REXO1: variants seen among roughly 807,000 people sequenced by gnomAD.
REXO1 encodes RNA exonuclease 1 homolog.
A neutral mutation model predicts 102.6 loss-of-function variants in REXO1; 42 were observed. That is an observed-to-expected ratio of 0.41 (90% confidence interval 0.32 to 0.53). The LOEUF is 0.53. REXO1 is among the 20% of genes least tolerant of loss of function. REXO1 has a pLI of 0.27. For missense variants in REXO1, 1,819 were observed against 1,732.5 expected, an observed-to-expected ratio of 1.05 and a Z score of -0.89; for synonymous variants, 908 against 779.1, an observed-to-expected ratio of 1.17 and a Z score of -2.76.
rs1333959202 is a variant in REXO1, at chr19:1,821,634, G to A, written c.2279C>T (p.Ser760Phe). 1.1e-5 allele frequency: 18 copies of A among 1,613,586 alleles called. No individual in the cohort carries two copies. The highest frequency in any genetic ancestry group is 1.5e-5 in the Non-Finnish European group (18 of 1,179,868). ...RTLAASGSQS[S>F]NGPEPGGQQL... ...CTGGCCACCTGGCTCAGGGCCGTTG[G>A]AGGACTGGCTGCCGCTGGCCGCAAG... Residue 760 changes from serine to phenylalanine, a missense_variant, in exon 5 of 16, where the codon TCC becomes TTC. Ser to Phe is a radical substitution (Grantham distance 155). Coordinates refer to ENST00000170168, the MANE Select transcript of REXO1 (RefSeq NM_020695.4).
At chr19:1,831,845 C>CAA (rs745676775) in intron 1 of REXO1, among the ~76,000 whole-genome samples, 12 of 51,234 alleles carry the variant, frequency 2.3e-4, no homozygotes, top group African/African-American at 2.8e-4. Context: ...AACTCCATCT[C>CAA]AAAAAAAAAA....
chr19:1,840,661 C>G (rs1043590308), intron 1 of REXO1, among the ~76,000 whole-genome samples: 1 of 151,856 alleles, frequency 6.6e-6, no homozygotes, highest in African/African-American at 2.4e-5. Context: ...CTGAGTGACA[C>G]CCGGGCCCGC....
chr19:1,842,814 A>C (rs1178663536), intron 1 of REXO1, among the ~76,000 whole-genome samples: 2 of 152,234 alleles, frequency 1.3e-5, no homozygotes, highest in Non-Finnish European at 2.9e-5. Context: ...GTATTCTCTG[A>C]TGTTTCTAAA....
Position 1,816,049 on chromosome 19 carries a change from TGGGAGGC to T in REXO1, c.*10_*16del. The T allele has an allele frequency of 6.5e-7, 1 of 1,536,474 alleles. No individual in the cohort carries two copies. The highest frequency in any genetic ancestry group is 8.7e-7 in the Non-Finnish European group (1 of 1,146,120). On this transcript the variant is annotated 3_prime_UTR_variant, in exon 16 of 16. Transcript: ENST00000170168. Reference sequence around the variant, plus strand: ...CCAGCGGGACGGCAGGAGAGGCGGGTGGGAGGCGGGCAGGCGTCATCGCTTGGTCTTG... The same window carrying T: ...CCAGCGGGACGGCAGGAGAGGCGGGTGGGCAGGCGTCATCGCTTGGTCTTG...
chr19:1,816,919 C>T, intron 12 of REXO1, 106 bp from the exon 13 acceptor site: 2 of 874,174 alleles, frequency 2.3e-6, no homozygotes, highest in Non-Finnish European at 3.6e-6. Flanking sequence ...GAGGCAGTGA[C>T]CAGAGACTCT....
chr19:1,843,264 G>A (rs1022501831), intron 1 of REXO1, among the ~76,000 whole-genome samples: 20 of 150,410 alleles, frequency 1.3e-4, no homozygotes, highest in Admixed American at 4.6e-4. Flanking sequence ...CCCCCCGCCC[G>A]GAGGGTCCCA....
rs769075049 is a variant in REXO1 at position 1,817,986 on chromosome 19, G to A, written c.3017-206C>T. On this transcript the variant is annotated intron_variant, in intron 10 of 15. Coordinates refer to ENST00000170168, the MANE Select transcript of REXO1 (RefSeq NM_020695.4). ...CCCAGGCCTGGATCCAGGGAGACCA[G>A]TGCCCTCTGCAGAGGCCTCTTGGCA... Among the ~76,000 whole-genome samples the A allele has an allele frequency of 1.1e-4, 16 of 152,338 alleles. 2 individuals are homozygous for A. The South Asian group carries it at 1.4e-3, about 14-fold the overall frequency.
Position 1,841,896 on chromosome 19 carries a change from A to G in REXO1, c.157+6306T>C, listed in dbSNP as rs1194313886. 2.6e-5 allele frequency among the ~76,000 whole-genome samples: 4 copies of G among 152,280 alleles called. No individual in the cohort carries two copies. In the South Asian group the frequency reaches 8.3e-4, roughly 32 times the overall value. ...TGCCTCTCCCTACAGGCAGAGCGCC[A>G]GCTCAGCCATCCCTCTCGAAAACAC... On this transcript the variant is annotated intron_variant, in intron 1 of 15. Coordinates refer to ENST00000170168, the MANE Select transcript of REXO1 (RefSeq NM_020695.4).
At position 1,818,523 on chromosome 19, in the gene REXO1, T is replaced by C. The variant is rs1042245162; in HGVS notation, c.2975A>G (p.Glu992Gly). 1 of 1,611,580 alleles carries C rather than the reference T, an allele frequency of 6.2e-7. No individual in the cohort carries two copies. The change falls in exon 10 of 16, where the codon GAG (glutamate) becomes GGG (glycine). Residue 992 changes from glutamate to glycine, a missense_variant. Glu to Gly is a moderately conservative substitution (Grantham distance 98, BLOSUM62 -2). Coordinates refer to ENST00000170168, the MANE Select transcript of REXO1 (RefSeq NM_020695.4). ...CCGTCCCCAGTGGTAATAACACTCC[T>C]CGTCCCGGATGCAGCGGCCTGAAGA... The part of the protein sequence containing the change: ...VSSSGRCIRD[E>G]ECYYHWGRLR...
At chr19:1,839,880 G>A (rs947461442) in intron 1 of REXO1, among the ~76,000 whole-genome samples, 1 of 152,254 alleles carries the variant, frequency 6.6e-6, no homozygotes, top group South Asian at 2.1e-4. Context: ...GTGGTGCACG[G>A]GGCGGTGGCC....
chr19:1,836,950 G>A (rs1200655226), intron 1 of REXO1, among the ~76,000 whole-genome samples: 1 of 152,176 alleles, frequency 6.6e-6, no homozygotes, highest in Non-Finnish European at 1.5e-5. Flanking sequence ...CTGGGGCTTA[G>A]CTGGACAAAA....
intron 1 of REXO1, among the ~76,000 whole-genome samples, chr19:1,830,342 TA>T (rs1217041189): frequency 6.6e-6 from 1 of 151,954 alleles, no homozygotes; most frequent in Non-Finnish European, 1.5e-5. Context: ...TCCCATCTCT[TA>T]AAAAAATACT....
chr19:1,828,286 G>GTGGGC lies in REXO1; in HGVS notation c.498_502dup (p.Thr168SerfsTer41). ...CGGCTCGGCAGGGGCGGCCAGTGGG[G>GTGGGC]TGGGCTGGTAGCCGGCATCAGGGCT... On this transcript the variant is annotated frameshift_variant, in exon 2 of 16. Coordinates refer to ENST00000170168, the MANE Select transcript of REXO1 (RefSeq NM_020695.4). LOFTEE classifies it high-confidence loss of function. 6.2e-7 allele frequency: 1 copy of GTGGGC among 1,607,290 alleles called. No individual in the cohort carries two copies. Among genetic ancestry groups the GTGGGC allele is most frequent in the Non-Finnish European group, 8.5e-7 (1 of 1,176,846 alleles).
intron 7 of REXO1, among the ~76,000 whole-genome samples, chr19:1,819,586 G>C (rs1401118380): frequency 6.6e-6 from 1 of 152,206 alleles, no homozygotes; most frequent in Non-Finnish European, 1.5e-5. Context: ...GAAACGCCCA[G>C]GTCTCCGCTT....
rs1239268303 is a variant in REXO1, at chr19:1,827,223, A to G, written c.1566T>C (p.Phe522=). 1.3e-6 allele frequency: 2 copies of G among 1,544,814 alleles called. No homozygotes were observed. The highest frequency in any genetic ancestry group is 1.7e-6 in the Non-Finnish European group (2 of 1,149,764). Residue 522 remains phenylalanine (F), a synonymous_variant, in exon 2 of 16, where the codon TTT becomes TTC. Coordinates refer to ENST00000170168, the MANE Select transcript of REXO1 (RefSeq NM_020695.4). The part of the protein sequence containing the change: ...KKRALSHADL[F]GDESEDEAAG... ...CGGCCTCGTCCTCACTCTCGTCCCCAAAGAGGTCGGCGTGGCTCAGGGCCC... is the reference window on the plus strand; with the variant it reads ...CGGCCTCGTCCTCACTCTCGTCCCCGAAGAGGTCGGCGTGGCTCAGGGCCC...
chr19:1,829,010 G>A (rs1472796717), intron 1 of REXO1, among the ~76,000 whole-genome samples: 1 of 152,234 alleles, frequency 6.6e-6, no homozygotes, highest in South Asian at 2.1e-4. Context: ...TCAGGGTGCC[G>A]GGCTGAGGCA....
intron 1 of REXO1, among the ~76,000 whole-genome samples, chr19:1,845,704 G>C (rs924961864): frequency 4.6e-5 from 7 of 152,140 alleles, no homozygotes; most frequent in African/African-American, 1.7e-4. Flanking sequence ...GCAGGTCCAG[G>C]GATAAGAGCC....
Position 1,848,438 on chromosome 19 carries a change from C to A in REXO1, c.-80G>T. 9.5e-7 allele frequency: 1 copy of A among 1,052,602 alleles called. No homozygotes were observed. The highest frequency in any genetic ancestry group is 1.7e-5 in the African/African-American group (1 of 58,832). The allele number at this position is 1,052,602 out of a possible 1,614,324, so 65.2% of individuals were successfully genotyped here. ...TCACTGGCGCCGCGGTCGCCGCCGCCCGCGCCTCACGGACCCCGCCGCCGC... is the reference window on the plus strand; with the variant it reads ...TCACTGGCGCCGCGGTCGCCGCCGCACGCGCCTCACGGACCCCGCCGCCGC... On this transcript the variant is annotated 5_prime_UTR_variant, in exon 1 of 16. Transcript: ENST00000170168.
At chr19:1,831,262 C>G (rs534089635) in intron 1 of REXO1, among the ~76,000 whole-genome samples, 1 of 152,216 alleles carries the variant, frequency 6.6e-6, no homozygotes, top group Non-Finnish European at 1.5e-5. Context: ...CGCACCAAGA[C>G]GCCACTTGGC....
Sources: allele counts gnomAD v4.1 joint callset (sites outside exome capture counted in the v4.1 genomes callset), GRCh38; gene constraint gnomAD v4.1.1; transcripts MANE v1.5; gene names NCBI Gene and HGNC (gene_info 2026-07-23, HGNC 2026-07-21).